The following PRKAR2B variants were observed in gnomAD, a reference collection of about 807,000 sequenced individuals.
PRKAR2B encodes the protein cAMP-dependent protein kinase type II-beta regulatory subunit.
Under a neutral mutation model 49.9 loss-of-function variants are expected in PRKAR2B, and 14 were observed. The observed-to-expected ratio is 0.28, with a 90% CI of 0.19 to 0.44. The LOEUF is 0.44. PRKAR2B is among the 20% of genes least tolerant of loss of function. The pLI is 1.00. For synonymous variants in PRKAR2B, 196 were observed against 197.7 expected, an observed-to-expected ratio of 0.99 and a Z score of 0.07; for missense variants, 393 against 537.9, an observed-to-expected ratio of 0.73 and a Z score of 2.67.
chr7:107,110,602 T>TA (rs1362937645), intron 2 of PRKAR2B, among the ~76,000 whole-genome samples: 1 of 151,520 alleles, frequency 6.6e-6, no homozygotes, highest in Non-Finnish European at 1.5e-5. Flanking sequence ...TGGTACCCGT[T>TA]AGAGCCACGA....
rs1469923855 is a variant in PRKAR2B, at chr7:107,146,366, G to C, written c.646G>C (p.Asp216His). 1.2e-6 allele frequency: 2 copies of C among 1,614,056 alleles called. No homozygotes were observed. The highest frequency in any genetic ancestry group is 1.7e-6 in the Non-Finnish European group (2 of 1,180,016). The change falls in exon 6 of 11, where the codon GAT becomes CAT. Residue 216 changes from aspartate to histidine, a missense_variant. Physicochemically the swap from Asp to His is moderately conservative, Grantham distance 81. This residue lies in a region of PRKAR2B where 233 missense variants were observed against 390.4 expected (regional missense o/e 0.60). Transcript: ENST00000265717. ...DGVGRCVGNYDNRGSFGELAL... is the reference protein window; with the variant it reads ...DGVGRCVGNYHNRGSFGELAL... Reference sequence around the variant, plus strand: ...TGTTGGAAGATGTGTTGGTAACTATGATAATCGTGGGAGTTTCGGCGAACT... The same window carrying C: ...TGTTGGAAGATGTGTTGGTAACTATCATAATCGTGGGAGTTTCGGCGAACT...
At chr7:107,086,438 A>AT (rs1794622249) in intron 2 of PRKAR2B, among the ~76,000 whole-genome samples, 1 of 152,090 alleles carries the variant, frequency 6.6e-6, no homozygotes, top group Admixed American at 6.6e-5. Flanking sequence ...CATTACTAAT[A>AT]TTAGTAGGGT....
intron 2 of PRKAR2B, among the ~76,000 whole-genome samples, chr7:107,101,171 C>T (rs1206838455): frequency 8.6e-6 from 1 of 116,656 alleles, no homozygotes; most frequent in Non-Finnish European, 1.7e-5. Context: ...AGCTTGTCTA[C>T]TAAATCTGTA....
chr7:107,156,783 G>A (rs1015864766), intron 8 of PRKAR2B, among the ~76,000 whole-genome samples: 1 of 151,298 alleles, frequency 6.6e-6, no homozygotes, highest in Non-Finnish European at 1.5e-5. Flanking sequence ...TCCAGTCTGG[G>A]CAACAGAGTG....
chr7:107,128,105 A>G, intron 3 of PRKAR2B, 107 bp from the exon 4 acceptor site: 1 of 729,582 alleles, frequency 1.4e-6, no homozygotes, highest in Non-Finnish European at 2.3e-6. Context: ...GAGCGCTAAC[A>G]GTTCTTCTTT....
chr7:107,129,604 C>T (rs376894026), intron 4 of PRKAR2B, among the ~76,000 whole-genome samples: 4 of 152,082 alleles, frequency 2.6e-5, no homozygotes, highest in African/African-American at 9.7e-5. Flanking sequence ...TCTTGGATCT[C>T]GCACAAAAAT....
At chr7:107,063,559 G>A (rs1209408504) in intron 1 of PRKAR2B, among the ~76,000 whole-genome samples, 1 of 152,120 alleles carries the variant, frequency 6.6e-6, no homozygotes, top group African/African-American at 2.4e-5. Context: ...GGAACAAGAG[G>A]GGCAACTTTA....
intron 1 of PRKAR2B, among the ~76,000 whole-genome samples, chr7:107,048,983 G>T (rs1793753030): frequency 6.6e-6 from 1 of 152,186 alleles, no homozygotes; most frequent in African/African-American, 2.4e-5. Context: ...CCCCGTCCTA[G>T]AGAAAGCAAA....
Position 107,088,954 on chromosome 7 carries a change from A to G in PRKAR2B, c.343+18638A>G, listed in dbSNP as rs184395989. Among the ~76,000 whole-genome samples the G allele has an allele frequency of 3.8e-3, 574 of 151,604 alleles. 4 individuals are homozygous for G. The highest frequency in any genetic ancestry group is 0.014 in the African/African-American group (561 of 41,394). Reference sequence around the variant, plus strand: ...GAGGCCGAGGTGGGTGGATCACCTAAGGTCAGGAGTGCGAGACTAGCCTGG... The same window carrying G: ...GAGGCCGAGGTGGGTGGATCACCTAGGGTCAGGAGTGCGAGACTAGCCTGG... On this transcript the variant is annotated intron_variant, in intron 2 of 10. Transcript: ENST00000265717.
chr7:107,114,365 TG>T (rs1795231224), intron 2 of PRKAR2B, among the ~76,000 whole-genome samples: 1 of 134,056 alleles, frequency 7.5e-6, no homozygotes, highest in African/African-American at 3.3e-5. Flanking sequence ...TGTGTGTGTG[TG>T]TGTGTGTGTG....
At chr7:107,072,075 A>T (rs931183042) in intron 2 of PRKAR2B, among the ~76,000 whole-genome samples, 2 of 149,796 alleles carry the variant, frequency 1.3e-5, no homozygotes, top group African/African-American at 4.9e-5. Flanking sequence ...TCTCAAAAAA[A>T]AAAAATAATA....
intron 5 of PRKAR2B, among the ~76,000 whole-genome samples, chr7:107,141,564 C>T (rs1289781289): frequency 2.0e-5 from 3 of 152,086 alleles, no homozygotes; most frequent in East Asian, 1.9e-4. Flanking sequence ...TGGTGGTGCA[C>T]ACCTGTAATC....
intron 4 of PRKAR2B, among the ~76,000 whole-genome samples, chr7:107,131,726 C>A (rs888093364): frequency 7.9e-5 from 12 of 152,072 alleles, no homozygotes; most frequent in Non-Finnish European, 1.3e-4. Context: ...TTTTTCTCAG[C>A]AAATTACCAC....
intron 4 of PRKAR2B, among the ~76,000 whole-genome samples, chr7:107,139,731 C>T (rs1795758656): frequency 6.6e-6 from 1 of 152,198 alleles, no homozygotes; most frequent in Admixed American, 6.5e-5. Context: ...ATTGTAGATT[C>T]ATATCTTCAT....
chr7:107,092,853 C>T (rs948665898), intron 2 of PRKAR2B, among the ~76,000 whole-genome samples: 14 of 152,134 alleles, frequency 9.2e-5, no homozygotes, highest in African/African-American at 2.2e-4. Context: ...ACTGAAACTC[C>T]GTACCTGTTA....
In PRKAR2B at chr7:107,158,390, C is replaced by T. The variant is rs185321798; in HGVS notation, c.1124-1059C>T. On this transcript the variant is annotated intron_variant, in intron 10 of 10. Coordinates refer to ENST00000265717, the MANE Select transcript of PRKAR2B (RefSeq NM_002736.3). ...ACATAACACCGCCACTCAGTGATTT[C>T]TGCTATTATAATTCCTTCTTGTCCT... Among the ~76,000 whole-genome samples, 1,096 of 152,238 alleles carry T rather than the reference C, an allele frequency of 7.2e-3. 13 individuals carry two copies. The highest frequency in any genetic ancestry group is 0.023 in the African/African-American group (964 of 41,536).
intron 7 of PRKAR2B, 79 bp from the exon 8 acceptor site, chr7:107,153,098 A>C: frequency 9.9e-7 from 1 of 1,007,346 alleles, no homozygotes; most frequent in Non-Finnish European, 1.5e-6. Context: ...CCTATAGGCT[A>C]CCAGTTTTTT....
intron 10 of PRKAR2B, 63 bp from the exon 11 acceptor site, chr7:107,159,386 G>T (rs1157376837): frequency 1.9e-6 from 3 of 1,544,398 alleles, no homozygotes; most frequent in African/African-American, 1.4e-5. Context: ...TATTGTAAAT[G>T]ACTTAGAAAT....
In PRKAR2B at chr7:107,159,819, C is replaced by A; in HGVS notation, c.*237C>A. On this transcript the variant is annotated 3_prime_UTR_variant, in exon 11 of 11. Transcript: ENST00000265717. ...ACTGATAAAATGACTTTGTACTCCA[C>A]AAAATTATGACTGAAAGGTTTATTA... 2.5e-6 allele frequency: 1 copy of A among 398,096 alleles called. No homozygotes were observed. Among genetic ancestry groups the A allele is most frequent in the African/African-American group, 2.0e-5 (1 of 48,800 alleles). The allele number at this position is 398,096 out of a possible 1,614,324, so 24.7% of individuals were successfully genotyped here. A position where few individuals can be genotyped will look rare whatever the true frequency, so the allele number is the denominator to read the frequency against.
Sources: allele counts gnomAD v4.1 joint callset (sites outside exome capture counted in the v4.1 genomes callset), GRCh38; gene constraint gnomAD v4.1.1; regional missense constraint gnomAD v4.1.1; transcripts MANE v1.5; gene names NCBI Gene and HGNC (gene_info 2026-07-23, HGNC 2026-07-21).